Variants in CNIH4 observed in about 807,000 individuals in gnomAD.
The protein encoded by CNIH4 is protein cornichon homolog 4.
CNIH4 carries 9 observed loss-of-function variants against 21.5 expected under a neutral mutation model. That is an observed-to-expected ratio of 0.42 (90% CI 0.25 to 0.73). The LOEUF (loss-of-function observed/expected upper bound fraction) is 0.73. Among genes scored for constraint, CNIH4 ranks in the 30% least tolerant of loss-of-function variants. The probability of loss-of-function intolerance (pLI) is 0.27; values close to 1 mark genes in which losing one functional copy is unlikely to be tolerated. For synonymous variants in CNIH4, 67 were observed against 59.1 expected (o/e 1.13, Z -0.61); for missense variants, 159 against 170.0 (o/e 0.94, Z 0.36).
chr1:224,363,637 T>A (rs1181005219), intron 2 of CNIH4, among the ~76,000 whole-genome samples: 1 of 152,178 alleles, frequency 6.6e-6, no homozygotes, highest in Non-Finnish European at 1.5e-5. Context: ...TTATAGTATT[T>A]TTGAAATTTT....
At chr1:224,368,288 C>G (rs1033120255) in intron 3 of CNIH4, among the ~76,000 whole-genome samples, 3 of 152,174 alleles carry the variant, frequency 2.0e-5, no homozygotes, top group Non-Finnish European at 4.4e-5. Flanking sequence ...GCCGAGATTG[C>G]ACCACTGCAC....
intron 1 of CNIH4, among the ~76,000 whole-genome samples, chr1:224,359,795 AT>A (rs1403890620): frequency 6.6e-6 from 1 of 152,084 alleles, no homozygotes; most frequent in Non-Finnish European, 1.5e-5. Flanking sequence ...GGCTCTAGGC[AT>A]TTTGCTGCCT....
At position 224,372,749 on chromosome 1, in the gene CNIH4, ATT is replaced by A. The variant is rs1180129801; in HGVS notation, c.392+1341_392+1342del. Among the ~76,000 whole-genome samples, 128 of 140,456 alleles carry A rather than the reference ATT, an allele frequency of 9.1e-4. 2 individuals are homozygous for A. Among genetic ancestry groups the A allele is most frequent in the African/African-American group, 3.1e-3 (120 of 38,340 alleles). 92.1% of individuals were successfully genotyped at this position (140,456 alleles called of 152,430 possible). On this transcript the variant is annotated intron_variant, in intron 4 of 4. Transcript: ENST00000465271. Reference sequence around the variant, plus strand: ...AGGTGCGTGCCACCACGCCTGGCTAATTTTTTTTTTTTTTTTCTATTTTTAGT... The same window carrying A: ...AGGTGCGTGCCACCACGCCTGGCTAATTTTTTTTTTTTTTCTATTTTTAGT...
intron 4 of CNIH4, among the ~76,000 whole-genome samples, chr1:224,374,540 G>A (rs112284246): frequency 2.6e-5 from 4 of 151,968 alleles, no homozygotes; most frequent in Non-Finnish European, 5.9e-5. Context: ...TCAGCCTCCC[G>A]TGTAGCTGGG....
chr1:224,367,611 T>C (rs747856840), intron 3 of CNIH4, among the ~76,000 whole-genome samples: 9 of 152,006 alleles, frequency 5.9e-5, no homozygotes, highest in Non-Finnish European at 1.2e-4. Flanking sequence ...TATAGTGCAC[T>C]ACAGCCTTGA....
intron 3 of CNIH4, among the ~76,000 whole-genome samples, chr1:224,370,875 C>CTT (rs34962459): frequency 2.9e-4 from 39 of 135,180 alleles, no homozygotes; most frequent in Non-Finnish European, 4.4e-4. Context: ...GATTGGCTCA[C>CTT]TTTTTTTTTT....
In CNIH4 at chr1:224,360,515, A is replaced by G. The variant is rs1394100063; in HGVS notation, c.90A>G (p.Leu30=). ...ATCAGATAATTACATTGTCTGATTT[A>G]GAATGTGATTACATTAATGCTAGAT... ...SVYFIITLSD[L]ECDYINARSC... Residue 30 remains leucine (L), a synonymous_variant, in exon 2 of 5, where the codon TTA becomes TTG. Transcript: ENST00000465271. 2 of 1,453,188 alleles carry G rather than the reference A, an allele frequency of 1.4e-6. No individual in the cohort carries two copies. Among genetic ancestry groups the G allele is most frequent in the Non-Finnish European group, 9.2e-7 (1 of 1,085,082 alleles). The allele number at this position is 1,453,188 out of a possible 1,614,324, so 90.0% of individuals were successfully genotyped here. A position where few individuals can be genotyped will look rare whatever the true frequency, so the allele number is the denominator to read the frequency against.
At position 224,377,099 on chromosome 1, in the gene CNIH4, C is replaced by G. The variant is rs1225414536; in HGVS notation, c.*1277C>G. On this transcript the variant is annotated 3_prime_UTR_variant, in exon 5 of 5. Coordinates refer to ENST00000465271, the MANE Select transcript of CNIH4 (RefSeq NM_014184.4). ...TGGCAGAAGCAAGGGAGCCACTAAG[C>G]CAAACTCCCTGTGCAGACAGACCAT... 1 of 178,480 alleles carries G rather than the reference C, an allele frequency of 5.6e-6. No individual in the cohort carries two copies. The highest frequency in any genetic ancestry group is 2.4e-5 in the African/African-American group (1 of 41,926). The allele number at this position is 178,480 out of a possible 1,614,324, so 11.1% of individuals were successfully genotyped here.
intron 2 of CNIH4, 28 bp from the exon 3 acceptor site, chr1:224,365,851 G>C (rs1672435466): frequency 1.6e-6 from 2 of 1,237,234 alleles, no homozygotes; most frequent in Non-Finnish European, 2.4e-6. Flanking sequence ...ATAGCAGTGA[G>C]ATGTAATACT....
chr1:224,369,066 AC>A (rs1672549504), intron 3 of CNIH4, among the ~76,000 whole-genome samples: 2 of 152,106 alleles, frequency 1.3e-5, no homozygotes, highest in South Asian at 4.1e-4. Context: ...GGGGAATCAT[AC>A]CACAGCTCTC....
intron 2 of CNIH4, among the ~76,000 whole-genome samples, chr1:224,361,954 A>G (rs1233240701): frequency 2.0e-5 from 3 of 152,146 alleles, no homozygotes; most frequent in Admixed American, 2.0e-4. Context: ...AAAATGTCTT[A>G]TCTTTACACT....
intron 3 of CNIH4, among the ~76,000 whole-genome samples, chr1:224,367,228 C>T (rs372647730): frequency 1.3e-5 from 2 of 151,972 alleles, no homozygotes; most frequent in East Asian, 3.8e-4. Flanking sequence ...GGGACAGGAC[C>T]ATTCATTGGC....
intron 1 of CNIH4, chr1:224,357,219 G>C: frequency 2.1e-6 from 1 of 467,910 alleles, no homozygotes; most frequent in Admixed American, 4.3e-5. Context: ...TGCCCTGCCT[G>C]GGTTGCCGGC....
Position 224,377,028 on chromosome 1 carries a change from A to C in CNIH4, c.*1206A>C. ...CTAAACAGGGTGTGTGGTACCCAAA[A>C]GATTAAATGTTACATGTCCTTTTAG... On this transcript the variant is annotated 3_prime_UTR_variant, in exon 5 of 5. Transcript: ENST00000465271. 1 of 534,348 alleles carries C rather than the reference A, an allele frequency of 1.9e-6. No individual in the cohort carries two copies. 33.1% of individuals were successfully genotyped at this position (534,348 alleles called of 1,614,324 possible).
chr1:224,371,398 CT>C lies in CNIH4; in HGVS notation c.368del (p.Leu123ProfsTer10). 6.2e-7 allele frequency: 1 copy of C among 1,614,008 alleles called. No homozygotes were observed. Among genetic ancestry groups the C allele is most frequent in the Non-Finnish European group, 8.5e-7 (1 of 1,179,986 alleles). ...CATGATCAAGCTTGGTTTCCACTTG[CT>C]CTGCTTCTTCATGTATCTTTATAGG... ...EAMIKLGFHL[L>X]CFFMYLYSMI... On this transcript the variant is annotated frameshift_variant, in exon 4 of 5. Transcript: ENST00000465271. LOFTEE classifies it high-confidence loss of function.
In CNIH4 at chr1:224,378,959, C is replaced by T. The variant is rs1572139488; in HGVS notation, c.*3137C>T. On this transcript the variant is annotated 3_prime_UTR_variant, in exon 5 of 5. Transcript: ENST00000465271. ...TCCCTTACCACTCCTCTTCCCCTTC[C>T]CTCTATAATGGCAGTACCCAGGGCC... is the stretch of plus-strand genomic sequence containing the variant. 2 of 1,032,328 alleles carry T rather than the reference C, an allele frequency of 1.9e-6. No individual in the cohort carries two copies. The highest frequency in any genetic ancestry group is 3.0e-6 in the Non-Finnish European group (2 of 676,072). The allele number at this position is 1,032,328 out of a possible 1,614,324, so 63.9% of individuals were successfully genotyped here.
chr1:224,358,422 C>T lies in CNIH4; in HGVS notation c.69+1429C>T, dbSNP rs570037622. On this transcript the variant is annotated intron_variant, in intron 1 of 4. Coordinates refer to ENST00000465271, the MANE Select transcript of CNIH4 (RefSeq NM_014184.4). ...TGATTGAAAGGGCAGCATCACTTGC[C>T]TAAGTTTTGATGACCTCTATGCCCC... Among the ~76,000 whole-genome samples the T allele has an allele frequency of 2.2e-4, 33 of 152,266 alleles. No individual in the cohort carries two copies. The South Asian group carries it at 6.8e-3, about 32-fold the overall frequency.
At chr1:224,358,598 A>T (rs573035740) in intron 1 of CNIH4, among the ~76,000 whole-genome samples, 7 of 152,260 alleles carry the variant, frequency 4.6e-5, no homozygotes, top group African/African-American at 1.4e-4. Flanking sequence ...TTTTAAGTTC[A>T]TCAGCTATCA....
intron 1 of CNIH4, among the ~76,000 whole-genome samples, chr1:224,358,623 T>G (rs1052856150): frequency 2.0e-5 from 3 of 152,166 alleles, no homozygotes; most frequent in African/African-American, 7.2e-5. Context: ...TATTAGTGTA[T>G]TTTATGTGTG....
Sources: gnomAD v4.1 joint callset for allele counts (sites outside exome capture counted in the v4.1 genomes callset) on GRCh38, gnomAD v4.1.1 for gene constraint, MANE v1.5 for transcripts, NCBI Gene and HGNC (gene_info 2026-07-23, HGNC 2026-07-21) for gene names.